The following CSMD1 variants were observed in gnomAD, a reference collection of about 807,000 sequenced individuals.
CSMD1 encodes CUB and Sushi multiple domains 1, also known as CUB and sushi domain-containing protein 1.
In CSMD1, 213 loss-of-function variants were observed where a neutral mutation model predicts 417.5. The ratio of observed to expected loss-of-function variants is 0.51; its 90% CI spans 0.46 to 0.57. CSMD1 has a LOEUF of 0.57. Among genes scored for constraint, CSMD1 ranks in the 20% least tolerant of loss-of-function variants. CSMD1 has a pLI of 0.00. For synonymous variants in CSMD1, 2,862 were observed against 1,736.8 expected, an observed-to-expected ratio of 1.65 and a Z score of -16.11; for missense variants, 6,923 against 4,529.7, an observed-to-expected ratio of 1.53 and a Z score of -15.17.
intron 15 of CSMD1, among the ~76,000 whole-genome samples, chr8:3,402,134 A>AG (rs2116880380): frequency 6.6e-6 from 1 of 152,280 alleles, no homozygotes; most frequent in African/African-American, 2.4e-5. Context: ...AATGTTATGA[A>AG]GGATGCAGCC....
intron 5 of CSMD1, among the ~76,000 whole-genome samples, chr8:3,962,780 A>T (rs1490635311): frequency 6.6e-6 from 1 of 152,114 alleles, no homozygotes. Context: ...TTTCCACAAT[A>T]TTCATATTTT....
intron 23 of CSMD1, 99 bp downstream of exon 23, chr8:3,343,195 G>C: frequency 2.9e-6 from 3 of 1,032,488 alleles, no homozygotes; most frequent in Non-Finnish European, 4.3e-6. Flanking sequence ...ACAGTAGGCA[G>C]CCAGAAAAAA....
chr8:3,620,874 T>C lies in CSMD1; in HGVS notation c.1010-4077A>G, dbSNP rs372429092. Among the ~76,000 whole-genome samples, 9 of 152,254 alleles carry C rather than the reference T, an allele frequency of 5.9e-5. No individual in the cohort carries two copies. The East Asian group carries it at 1.7e-3, about 29-fold the overall frequency. On this transcript the variant is annotated intron_variant, in intron 7 of 69. Coordinates refer to ENST00000635120, the MANE Select transcript of CSMD1 (RefSeq NM_033225.6). Reference sequence around the variant, plus strand: ...ACGCCCTGTTTTAGGCTGAATTATGTCCCTCCTCCCCGCAAAGGGTTACAC... The same window carrying C: ...ACGCCCTGTTTTAGGCTGAATTATGCCCCTCCTCCCCGCAAAGGGTTACAC...
At chr8:4,392,745 G>A (rs1046719491) in intron 3 of CSMD1, among the ~76,000 whole-genome samples, 12 of 151,498 alleles carry the variant, frequency 7.9e-5, no homozygotes, top group Non-Finnish European at 1.2e-4. Context: ...TGAGGCGGGC[G>A]GATCACGAGG....
chr8:3,511,871 C>T (rs953677372), intron 10 of CSMD1, among the ~76,000 whole-genome samples: 5 of 150,178 alleles, frequency 3.3e-5, no homozygotes, highest in Non-Finnish European at 5.9e-5. Flanking sequence ...TGCAATTTAT[C>T]GCCACAGAAT....
chr8:3,367,974 G>A (rs959445905), intron 19 of CSMD1, among the ~76,000 whole-genome samples: 1 of 151,960 alleles, frequency 6.6e-6, no homozygotes, highest in East Asian at 1.9e-4. Flanking sequence ...GCATAACCGA[G>A]GAAAAACTTC....
chr8:3,241,065 G>C, intron 26 of CSMD1, among the ~76,000 whole-genome samples: 1 of 148,762 alleles, frequency 6.7e-6, no homozygotes. Flanking sequence ...GTGGGTTAAG[G>C]TGAGGGGATA....
chr8:3,311,502 G>A (rs566777555), intron 23 of CSMD1, among the ~76,000 whole-genome samples: 22 of 147,538 alleles, frequency 1.5e-4, no homozygotes, highest in South Asian at 8.3e-4. Context: ...TGCTTGCCTC[G>A]GTCTCCGAAA....
At chr8:3,694,936 G>T (rs1800464190) in intron 7 of CSMD1, among the ~76,000 whole-genome samples, 1 of 152,032 alleles carries the variant, frequency 6.6e-6, no homozygotes, top group Non-Finnish European at 1.5e-5. Flanking sequence ...CGTGTAGCTT[G>T]CCAGTTCAGT....
rs141112516 is a variant in CSMD1 at position 4,473,629 on chromosome 8, G to A, written c.303-53564C>T. Among the ~76,000 whole-genome samples, 300 of 152,208 alleles carry A rather than the reference G, an allele frequency of 2.0e-3. 1 individual carries two copies. The highest frequency in any genetic ancestry group is 7.0e-3 in the African/African-American group (290 of 41,520). ...TGTACATCACTTTACCTAAACTTGG[G>A]GAGTTTAGTTTCCTTTATCTGTGAA... is the stretch of plus-strand genomic sequence containing the variant. On this transcript the variant is annotated intron_variant, in intron 2 of 69. Coordinates refer to ENST00000635120, the MANE Select transcript of CSMD1 (RefSeq NM_033225.6).
chr8:3,186,762 C>G lies in CSMD1; in HGVS notation c.5620+1107G>C, dbSNP rs1184916183. On this transcript the variant is annotated intron_variant, in intron 36 of 69. Coordinates refer to ENST00000635120, the MANE Select transcript of CSMD1 (RefSeq NM_033225.6). Reference sequence around the variant, plus strand: ...AGACAAATGGGATAGAAGGAGTCAGCTACTGCAAGCAAGAAGGGACTCATG... The same window carrying G: ...AGACAAATGGGATAGAAGGAGTCAGGTACTGCAAGCAAGAAGGGACTCATG... 5.3e-5 allele frequency among the ~76,000 whole-genome samples: 8 copies of G among 152,180 alleles called. No homozygotes were observed. The East Asian group carries it at 1.4e-3, about 26-fold the overall frequency.
intron 4 of CSMD1, among the ~76,000 whole-genome samples, chr8:4,011,361 T>A (rs1816520002): frequency 6.6e-6 from 1 of 152,216 alleles, no homozygotes; most frequent in African/African-American, 2.4e-5. Flanking sequence ...TATAGACTTT[T>A]CTTTTGATTC....
intron 2 of CSMD1, among the ~76,000 whole-genome samples, chr8:4,467,122 TA>T (rs35481238): frequency 0.016 from 1,389 of 86,244 alleles, 16 homozygotes; most frequent in African/African-American, 0.046. Flanking sequence ...TTCTTCAGAG[TA>T]AAAAAAAAAA....
rs1282024966 is a variant in CSMD1 at position 2,963,346 on chromosome 8, T to A, written c.9330A>T (p.Gly3110=). The change falls in exon 60 of 70, where the codon GGA becomes GGT. Residue 3110 remains glycine, a synonymous_variant. Coordinates refer to ENST00000635120, the MANE Select transcript of CSMD1 (RefSeq NM_033225.6). The part of the protein sequence containing the change: ...PPPVQNGTVE[G]SDFRWGSSIS... ...TGCTGGAGCCCCAGCGGAAATCACT[T>A]CCCTCCACTGTTCCATTCTGCACCG... 6.3e-5 allele frequency: 102 copies of A among 1,613,746 alleles called. No homozygotes were observed. Among genetic ancestry groups the A allele is most frequent in the Non-Finnish European group, 8.5e-5 (100 of 1,179,868 alleles).
intron 36 of CSMD1, among the ~76,000 whole-genome samples, chr8:3,187,177 C>T (rs1563123763): frequency 6.6e-6 from 1 of 152,164 alleles, no homozygotes; most frequent in Admixed American, 6.5e-5. Context: ...ATCATCACTG[C>T]TCATGAAGTT....
At chr8:3,515,524 A>G (rs927293986) in intron 10 of CSMD1, among the ~76,000 whole-genome samples, 1 of 152,208 alleles carries the variant, frequency 6.6e-6, no homozygotes, top group Non-Finnish European at 1.5e-5. Flanking sequence ...ATGGTTGGCA[A>G]CTGTTCAGGA....
chr8:4,463,634 G>A (rs1427792624), intron 2 of CSMD1, among the ~76,000 whole-genome samples: 2 of 152,068 alleles, frequency 1.3e-5, no homozygotes, highest in African/African-American at 4.8e-5. Flanking sequence ...CCTACTAAAT[G>A]GAAAGAGCTA....
chr8:4,827,242 T>C (rs1585168786), intron 1 of CSMD1, among the ~76,000 whole-genome samples: 1 of 152,154 alleles, frequency 6.6e-6, no homozygotes, highest in South Asian at 2.1e-4. Flanking sequence ...GGTATTTTTG[T>C]AATCCAAATG....
chr8:4,434,111 G>T (rs2128948885), intron 2 of CSMD1, among the ~76,000 whole-genome samples: 1 of 152,280 alleles, frequency 6.6e-6, no homozygotes, highest in Middle Eastern at 3.4e-3. Context: ...GTTGAAGTGG[G>T]CAGATCACTT....
Sources: gnomAD v4.1 joint callset for allele counts (sites outside exome capture counted in the v4.1 genomes callset) on GRCh38, gnomAD v4.1.1 for gene constraint, MANE v1.5 for transcripts, NCBI Gene and HGNC (gene_info 2026-07-23, HGNC 2026-07-21) for gene names.